SCN4A: variants seen among roughly 807,000 people sequenced by gnomAD.
SCN4A encodes sodium voltage-gated channel alpha subunit 4, also known as sodium channel protein type 4 subunit alpha.
A neutral mutation model predicts 162.0 loss-of-function variants in SCN4A; 83 were observed. The ratio of observed to expected loss-of-function variants is 0.51; its 90% CI spans 0.43 to 0.61. The LOEUF (loss-of-function observed/expected upper bound fraction) is 0.61, where lower values mean the gene tolerates loss of function less well. Among genes scored for constraint, SCN4A ranks in the 20% least tolerant of loss-of-function variants. The probability of loss-of-function intolerance (pLI) is 0.00; values close to 1 mark genes in which losing one functional copy is unlikely to be tolerated. For synonymous variants in SCN4A, 944 were observed against 985.1 expected (o/e 0.96, Z 0.78); for missense variants, 2,196 against 2,462.5 (o/e 0.89, Z 2.29).
intron 21 of SCN4A, 108 bp from the exon 22 acceptor site, chr17:63,943,958 G>C: frequency 1.4e-6 from 1 of 697,494 alleles, no homozygotes; most frequent in Admixed American, 2.2e-5. Flanking sequence ...CCCCGCCCCT[G>C]TTGATCAGCC....
intron 22 of SCN4A, 92 bp from the exon 23 acceptor site, chr17:63,943,188 G>A (rs1254767817): frequency 1.7e-5 from 21 of 1,257,992 alleles, no homozygotes; most frequent in Non-Finnish European, 2.2e-5. Flanking sequence ...TGGCACCACA[G>A]CATGACAGAG....
chr17:63,971,244 T>A lies in SCN4A; in HGVS notation c.621A>T (p.Thr207=). ...DFSVIMMAYL[T]EFVDLGNISA... ...AGATGTTGCCCAAGTCCACAAACTC[T>A]GTCAGGTACCTGGGTAGGGGGTGGA... is the stretch of plus-strand genomic sequence containing the variant. The change falls in exon 5 of 24, where the codon ACA becomes ACT. Residue 207 remains threonine (T), a synonymous_variant. Transcript: ENST00000435607. 6.6e-7 allele frequency: 1 copy of A among 1,511,516 alleles called. No individual in the cohort carries two copies. The highest frequency in any genetic ancestry group is 8.9e-7 in the Non-Finnish European group (1 of 1,119,020). The allele number at this position is 1,511,516 out of a possible 1,614,324, so 93.6% of individuals were successfully genotyped here. A position where few individuals can be genotyped will look rare whatever the true frequency, so the allele number is the denominator to read the frequency against.
intron 13 of SCN4A, among the ~76,000 whole-genome samples, chr17:63,954,839 T>C (rs1239300162): frequency 1.3e-5 from 2 of 152,096 alleles, no homozygotes; most frequent in Non-Finnish European, 2.9e-5. Context: ...GTCTGTGTGA[T>C]AGGGGTGACA....
chr17:63,972,787 G>A lies in SCN4A; in HGVS notation c.55C>T (p.Pro19Ser), dbSNP rs772628295. The change falls in exon 1 of 24, where the codon CCC (proline) becomes TCC (serine). Residue 19 changes from proline to serine, a missense_variant. Pro to Ser is a moderately conservative substitution (Grantham distance 74, BLOSUM62 -1). Transcript: ENST00000435607. This position sits in a 1 kb window ranked among gnomAD's most constrained non-coding sequence, Gnocchi z 4.3. Reference protein sequence around the residue: ...LVPLGPECLRPFTRESLAAIE... With the variant: ...LVPLGPECLRSFTRESLAAIE... ...GCTGCCAGTGACTCCCGGGTGAAGGGGCGCAAGCACTCAGGGCCCAGAGGC... is the reference window on the plus strand; with the variant it reads ...GCTGCCAGTGACTCCCGGGTGAAGGAGCGCAAGCACTCAGGGCCCAGAGGC... The A allele has an allele frequency of 8.1e-6, 13 of 1,613,598 alleles. No individual in the cohort carries two copies. Among genetic ancestry groups the A allele is most frequent in the Admixed American group, 1.7e-5 (1 of 59,986 alleles).
chr17:63,961,085 C>T (rs1909233873), intron 11 of SCN4A, 108 bp downstream of exon 11: 1 of 597,294 alleles, frequency 1.7e-6, no homozygotes, highest in African/African-American at 1.9e-5. Context: ...CAGCTGTCCG[C>T]ATGTGTCCCC....
intron 17 of SCN4A, 137 bp downstream of exon 17, chr17:63,947,753 A>C: frequency 1.3e-6 from 1 of 765,454 alleles, no homozygotes; most frequent in Middle Eastern, 3.9e-4. Flanking sequence ...CTGTCTGAGA[A>C]GGGCAGCACT....
intron 11 of SCN4A, 126 bp downstream of exon 11, chr17:63,961,067 A>G (rs1238610859): frequency 3.1e-6 from 1 of 326,496 alleles, no homozygotes; most frequent in African/African-American, 2.2e-5. Context: ...ATGCTGGGAA[A>G]ATAACCCCAG....
rs199944673 is a variant in SCN4A, at chr17:63,941,077, C to G, written c.5205G>C (p.Gln1735His). The G allele has an allele frequency of 4.4e-5, 71 of 1,613,958 alleles. No homozygotes were observed. The highest frequency in any genetic ancestry group is 1.6e-4 in the Middle Eastern group (1 of 6,062). ...KHEEVCAIKIQRAYRRHLLQR... is the reference protein window; with the variant it reads ...KHEEVCAIKIHRAYRRHLLQR... ...GTAGCAGGTGCCGGCGGTAGGCCCT[C>G]TGGATCTTGATGGCGCACACCTCCT... Residue 1735 changes from glutamine to histidine, a missense_variant, in exon 24 of 24, where the codon CAG (glutamine) becomes CAC (histidine). Coordinates refer to ENST00000435607, the MANE Select transcript of SCN4A (RefSeq NM_000334.4). This position sits in a 1 kb window ranked among gnomAD's most constrained non-coding sequence, Gnocchi z 6.2.
Position 63,945,476 on chromosome 17 carries a change from C to A in SCN4A, c.3604G>T (p.Glu1202Ter), listed in dbSNP as rs201916531. 1 of 1,613,960 alleles carries A rather than the reference C, an allele frequency of 6.2e-7. No individual in the cohort carries two copies. Among genetic ancestry groups the A allele is most frequent in the Non-Finnish European group, 8.5e-7 (1 of 1,179,874 alleles). ...TTTSERFDISEVNNKSECESL... is the reference protein window; with the variant it reads ...TTTSERFDIS ...TCGCACTCAGACTTGTTGTTGACCT[C>A]GGAGATGTCGAACCTCTCAGAGGTG... is the stretch of plus-strand genomic sequence containing the variant. The change falls in exon 19 of 24, where the codon GAG (glutamate) becomes TAG (stop). Residue 1202 changes from glutamate to a stop codon, truncating the protein, a stop_gained. Coordinates refer to ENST00000435607, the MANE Select transcript of SCN4A (RefSeq NM_000334.4). LOFTEE classifies it high-confidence loss of function. This position sits in a 1 kb window ranked among gnomAD's most constrained non-coding sequence, Gnocchi z 4.4.
In SCN4A at chr17:63,966,137, T is replaced by C. The variant is rs566340596; in HGVS notation, c.1207A>G (p.Met403Val). 6.9e-6 allele frequency: 11 copies of C among 1,589,698 alleles called. No homozygotes were observed. The highest frequency in any genetic ancestry group is 6.9e-5 in the South Asian group (6 of 87,118). Residue 403 changes from methionine (M) to valine (V), a missense_variant, in exon 8 of 24, where the codon ATG (methionine) becomes GTG (valine). Coordinates refer to ENST00000435607, the MANE Select transcript of SCN4A (RefSeq NM_000334.4). ...SWAFLALFRL[M>V]TQDYWENLFQ... Reference sequence around the variant, plus strand: ...AGGTTCTCCCAATAGTCCTGTGTCATGAGGCGGAAGAGAGCCAAGAAGGCC... The same window carrying C: ...AGGTTCTCCCAATAGTCCTGTGTCACGAGGCGGAAGAGAGCCAAGAAGGCC...
intron 5 of SCN4A, among the ~76,000 whole-genome samples, chr17:63,970,454 G>A (rs1271746923): frequency 6.6e-6 from 1 of 152,090 alleles, no homozygotes; most frequent in Non-Finnish European, 1.5e-5. Flanking sequence ...CAGGCAGTCA[G>A]GCTCCAGAAT....
At chr17:63,946,211 C>T (rs1206458927) in intron 18 of SCN4A, among the ~76,000 whole-genome samples, 1 of 152,170 alleles carries the variant, frequency 6.6e-6, no homozygotes, top group African/African-American at 2.4e-5. Context: ...GCCTGGTGTG[C>T]CCAGGGGAGC....
At chr17:63,946,772 T>A (rs986413230) in intron 18 of SCN4A, among the ~76,000 whole-genome samples, 9 of 152,128 alleles carry the variant, frequency 5.9e-5, no homozygotes, top group Admixed American at 1.3e-4. Flanking sequence ...TGGGTGCTTC[T>A]GCAGTCTCTG....
rs577366796 is a variant in SCN4A at position 63,951,310 on chromosome 17, G to T, written c.2853+114C>A. On this transcript the variant is annotated intron_variant, in intron 14 of 23. Transcript: ENST00000435607. The surrounding 1 kb of genome is among the most constrained non-coding windows in gnomAD (Gnocchi z 4.5). ...ATAATGCTTGCAACAATGCCATAGG[G>T]CACCACCCCCATTTTACAGCTGGAG... 7.1e-5 allele frequency: 51 copies of T among 720,456 alleles called. No individual in the cohort carries two copies. The highest frequency in any genetic ancestry group is 1.1e-4 in the Non-Finnish European group (49 of 436,424). The allele number at this position is 720,456 out of a possible 1,614,324, so 44.6% of individuals were successfully genotyped here. A position where few individuals can be genotyped will look rare whatever the true frequency, so the allele number is the denominator to read the frequency against.
Position 63,968,003 on chromosome 17 carries a change from G to C in SCN4A, c.1036+20C>G. 6.9e-6 allele frequency: 11 copies of C among 1,602,230 alleles called. No individual in the cohort carries two copies. Among genetic ancestry groups the C allele is most frequent in the Non-Finnish European group, 9.4e-6 (11 of 1,170,734 alleles). ...GACTGGGACAGGATCCCCCTTGCCC[G>C]TCACCCTCCCCATTCTTACCTTCAT... On this transcript the variant is annotated intron_variant, in intron 6 of 23. Coordinates refer to ENST00000435607, the MANE Select transcript of SCN4A (RefSeq NM_000334.4).
rs761079032 is a variant in SCN4A at position 63,944,175 on chromosome 17, C to T, written c.3913-325G>A. On this transcript the variant is annotated intron_variant, in intron 21 of 23. Transcript: ENST00000435607. The surrounding 1 kb of genome is among the most constrained non-coding windows in gnomAD (Gnocchi z 4.3). ...TTTGTTGTTGAGATGGAGTCTCGCT[C>T]TGTCACCAGGCTGGAGTGCAGTGGC... 1.3e-5 allele frequency among the ~76,000 whole-genome samples: 2 copies of T among 152,028 alleles called. No individual in the cohort carries two copies. Among genetic ancestry groups the T allele is most frequent in the African/African-American group, 4.8e-5 (2 of 41,390 alleles).
In SCN4A at chr17:63,941,287, G is replaced by A. The variant is rs750776495; in HGVS notation, c.4995C>T (p.Asp1665=). The A allele has an allele frequency of 1.8e-5, 29 of 1,613,842 alleles. No individual in the cohort carries two copies. Among genetic ancestry groups the A allele is most frequent in the Non-Finnish European group, 2.1e-5 (25 of 1,179,890 alleles). Residue 1665 remains aspartate (D), a synonymous_variant, in exon 24 of 24, where the codon GAC becomes GAT. Transcript: ENST00000435607. This position sits in a 1 kb window ranked among gnomAD's most constrained non-coding sequence, Gnocchi z 6.2. The stretch of plus-strand genomic sequence containing the variant: ...TCTTGTCCCCTGGCACCATGGGCAA[G>A]TCCAGTGTGATGAGCTTGATCTTGT... ...KPNKIKLITL[D]LPMVPGDKIH... is the part of the protein sequence containing the mutation.
Position 63,951,168 on chromosome 17 carries a change from C to G in SCN4A, c.2853+256G>C, listed in dbSNP as rs55903104. 2.6e-5 allele frequency among the ~76,000 whole-genome samples: 4 copies of G among 152,276 alleles called. No individual in the cohort carries two copies. Among genetic ancestry groups the G allele is most frequent in the Admixed American group, 6.5e-5 (1 of 15,302 alleles). ...GTGAGAGGGGCCCAGGTGTTCTGGT[C>G]CGAGGGAATCAGGGTTTCTGGACAG... On this transcript the variant is annotated intron_variant, in intron 14 of 23. Transcript: ENST00000435607. This position sits in a 1 kb window ranked among gnomAD's most constrained non-coding sequence, Gnocchi z 4.5.
intron 13 of SCN4A, among the ~76,000 whole-genome samples, chr17:63,955,032 C>A (rs1219326237): frequency 6.6e-6 from 1 of 152,152 alleles, no homozygotes; most frequent in Admixed American, 6.5e-5. Context: ...TGTGAAGCAC[C>A]CAGAATGCTG....
Sources: gnomAD v4.1 joint callset for allele counts (sites outside exome capture counted in the v4.1 genomes callset) on GRCh38, gnomAD v4.1.1 for gene constraint, Gnocchi (gnomAD v3.1) non-coding constraint, MANE v1.5 for transcripts, NCBI Gene and HGNC (gene_info 2026-07-23, HGNC 2026-07-21) for gene names.